VPS8: variants seen among roughly 807,000 people sequenced by gnomAD.
VPS8 encodes the protein VPS8 subunit of CORVET complex, also known as vacuolar protein sorting-associated protein 8 homolog.
A neutral mutation model predicts 216.4 loss-of-function variants in VPS8; 129 were observed. The ratio of observed to expected loss-of-function variants is 0.60; its 90% CI spans 0.52 to 0.69. The LOEUF (loss-of-function observed/expected upper bound fraction) is 0.69. Among genes scored for constraint, VPS8 ranks in the 30% least tolerant of loss-of-function variants. VPS8 has a pLI of 0.00. For synonymous variants in VPS8, 571 were observed against 565.4 expected, an observed-to-expected ratio of 1.01 and a Z score of -0.14; for missense variants, 1,531 against 1,683.5, an observed-to-expected ratio of 0.91 and a Z score of 1.59.
At chr3:184,895,599 TCCCCC>T (rs1458079421) in intron 23 of VPS8, among the ~76,000 whole-genome samples, 1 of 9,604 alleles carries the variant, frequency 1.0e-4, no homozygotes, top group African/African-American at 3.6e-4. Flanking sequence ...CTCCTCCTCC[TCCCCC>T]CCTCCTCCTC....
intron 37 of VPS8, among the ~76,000 whole-genome samples, chr3:184,958,167 G>A (rs1013378181): frequency 2.6e-5 from 4 of 152,128 alleles, no homozygotes; most frequent in African/African-American, 4.8e-5. Context: ...TGGTTTTGAC[G>A]TAATAGATTG....
chr3:184,944,827 G>A (rs542106990), intron 36 of VPS8, among the ~76,000 whole-genome samples: 6 of 152,262 alleles, frequency 3.9e-5, no homozygotes, highest in South Asian at 2.1e-4. Context: ...TATGGAAATG[G>A]TTATGCATTG....
intron 1 of VPS8, among the ~76,000 whole-genome samples, chr3:184,821,427 T>C (rs982375918): frequency 1.2e-4 from 18 of 152,014 alleles, no homozygotes; most frequent in African/African-American, 4.1e-4. Flanking sequence ...CATTGCATCC[T>C]CCGCCTCCCG....
At chr3:184,950,105 ACCATGTTGCC>A (rs1744394633) in intron 36 of VPS8, among the ~76,000 whole-genome samples, 1 of 149,990 alleles carries the variant, frequency 6.7e-6, no homozygotes, top group South Asian at 2.1e-4. Flanking sequence ...ATGAGGTTTC[ACCATGTTGCC>A]CAGGCTGGTT....
At chr3:184,962,375 T>C (rs1746683216) in intron 37 of VPS8, among the ~76,000 whole-genome samples, 1 of 152,220 alleles carries the variant, frequency 6.6e-6, no homozygotes, top group Non-Finnish European at 1.5e-5. Flanking sequence ...CAGCAGTGTC[T>C]GATATTTGCT....
intron 21 of VPS8, among the ~76,000 whole-genome samples, chr3:184,883,825 A>C (rs984616577): frequency 1.2e-4 from 18 of 152,156 alleles, no homozygotes; most frequent in Non-Finnish European, 7.4e-5. Context: ...AATTATTTTA[A>C]ATATACTTTA....
At chr3:184,868,118 C>T (rs1317822543) in intron 18 of VPS8, 59 bp downstream of exon 18, 3 of 1,555,694 alleles carry the variant, frequency 1.9e-6, no homozygotes, top group Non-Finnish European at 2.6e-6. Context: ...CTTAACATTT[C>T]TGTTTTGACT....
At chr3:184,982,720 A>C in intron 41 of VPS8, 73 bp downstream of exon 41, 1 of 1,244,634 alleles carries the variant, frequency 8.0e-7, no homozygotes, top group Non-Finnish European at 1.1e-6. Flanking sequence ...AGAAACTATC[A>C]GTATAATATC....
chr3:184,878,023 AAAC>A (rs1464308908), intron 21 of VPS8, among the ~76,000 whole-genome samples: 1 of 152,178 alleles, frequency 6.6e-6, no homozygotes, highest in Admixed American at 6.5e-5. Context: ...TTTGTTTTTG[AAAC>A]AACGTAGAGG....
intron 21 of VPS8, among the ~76,000 whole-genome samples, chr3:184,874,369 G>A (rs1177845108): frequency 6.6e-6 from 1 of 152,078 alleles, no homozygotes; most frequent in Non-Finnish European, 1.5e-5. Context: ...TGGTGGCTTA[G>A]TATTAATTAC....
intron 22 of VPS8, chr3:184,893,241 G>T (rs1732716911): frequency 7.8e-7 from 1 of 1,282,284 alleles, no homozygotes; most frequent in African/African-American, 1.5e-5. Context: ...CAGGACTTCA[G>T]ATGAGTCAAA....
intron 46 of VPS8, among the ~76,000 whole-genome samples, chr3:185,024,721 G>A (rs1204454944): frequency 1.3e-5 from 2 of 152,074 alleles, no homozygotes; most frequent in East Asian, 1.9e-4. Flanking sequence ...GCTTTACTTC[G>A]ACTGGGTGCA....
chr3:184,906,789 T>C (rs571822917), intron 25 of VPS8, among the ~76,000 whole-genome samples: 1 of 152,166 alleles, frequency 6.6e-6, no homozygotes, highest in Non-Finnish European at 1.5e-5. Context: ...GTGAAAAAGC[T>C]TGTAGAGGTG....
chr3:184,963,405 CAT>C (rs1274832099), intron 37 of VPS8, among the ~76,000 whole-genome samples: 1 of 152,038 alleles, frequency 6.6e-6, no homozygotes, highest in African/African-American at 2.4e-5. Flanking sequence ...TAAATTTGTT[CAT>C]AGTTACTTTA....
rs778215330 is a variant in VPS8, at chr3:185,024,376, C to T, written c.4043C>T (p.Pro1348Leu). The T allele has an allele frequency of 2.5e-6, 4 of 1,597,928 alleles. No homozygotes were observed. Among genetic ancestry groups the T allele is most frequent in the Non-Finnish European group, 3.4e-6 (4 of 1,171,506 alleles). Residue 1348 changes from proline to leucine, a missense_variant, in exon 46 of 48, where the codon CCC (proline) becomes CTC (leucine). Physicochemically the swap from Pro to Leu is moderately conservative, Grantham distance 98. This residue lies in a region of VPS8 where 1,318 missense variants were observed against 1,468.4 expected (regional missense o/e 0.90). Coordinates refer to ENST00000625842, the MANE Select transcript of VPS8 (RefSeq NM_001009921.3). Reference sequence around the variant, plus strand: ...TCGTATCATCAGTCCAAAGGGGATCCCACTGCTAAAAAGGTGAGTTTGTTT... The same window carrying T: ...TCGTATCATCAGTCCAAAGGGGATCTCACTGCTAAAAAGGTGAGTTTGTTT... Reference protein sequence around the residue: ...SPSYHQSKGDPTAKKGTSEPV... With the variant: ...SPSYHQSKGDLTAKKGTSEPV...
rs752593630 is a variant in VPS8 at position 184,869,527 on chromosome 3, G to C, written c.1643G>C (p.Arg548Pro). 4 of 1,613,156 alleles carry C rather than the reference G, an allele frequency of 2.5e-6. No individual in the cohort carries two copies. The highest frequency in any genetic ancestry group is 3.4e-6 in the Non-Finnish European group (4 of 1,179,400). ...AAGCGAAAGGCTATTGTTGCAGACC[G>C]GGTGAGTATTTTAAGAGGGTCTTTA... ...ASKRKAIVADRMVEILFHYAD... is the reference protein window; with the variant it reads ...ASKRKAIVADPMVEILFHYAD... Residue 548 changes from arginine (R) to proline (P), a missense_variant and splice_region_variant, in exon 20 of 48, where the codon CGG (arginine) becomes CCG (proline). Physicochemically the swap from Arg to Pro is moderately radical, Grantham distance 103. Transcript: ENST00000625842.
At chr3:184,888,784 C>A (rs932358328) in intron 22 of VPS8, among the ~76,000 whole-genome samples, 1 of 152,020 alleles carries the variant, frequency 6.6e-6, no homozygotes, top group Non-Finnish European at 1.5e-5. Context: ...TAGAGTAAAA[C>A]GGCTTATTTT....
At chr3:184,998,640 G>C (rs542627094) in intron 44 of VPS8, among the ~76,000 whole-genome samples, 2 of 151,928 alleles carry the variant, frequency 1.3e-5, no homozygotes, top group South Asian at 4.2e-4. Context: ...TTAGATTAGA[G>C]AAATGAAGAT....
At chr3:184,981,715 C>T (rs1361493056) in intron 40 of VPS8, among the ~76,000 whole-genome samples, 3 of 152,180 alleles carry the variant, frequency 2.0e-5, no homozygotes, top group East Asian at 3.9e-4. Context: ...GGATTACAGG[C>T]GTGAGCCACC....
Sources: allele counts gnomAD v4.1 joint callset (sites outside exome capture counted in the v4.1 genomes callset), GRCh38; gene constraint gnomAD v4.1.1; regional missense constraint gnomAD v4.1.1; transcripts MANE v1.5; gene names NCBI Gene and HGNC (gene_info 2026-07-23, HGNC 2026-07-21).